BSG: variants seen among roughly 807,000 people sequenced by gnomAD.
The protein encoded by BSG is basigin.
BSG carries 37 observed loss-of-function variants against 43.1 expected under a neutral mutation model. The observed-to-expected ratio is 0.86, with a 90% CI of 0.66 to 1.13. The LOEUF is 1.13. BSG is among the 50% of genes most tolerant of loss of function. The probability of loss-of-function intolerance (pLI) is 0.00; values close to 1 mark genes in which losing one functional copy is unlikely to be tolerated. For missense variants in BSG, 599 were observed against 554.2 expected (o/e 1.08, Z -0.81); for synonymous variants, 309 against 238.7 (o/e 1.29, Z -2.72).
rs779200158 is a variant in BSG, at chr19:580,680, A to C, written c.690A>C (p.Glu230Asp). The C allele has an allele frequency of 1.9e-6, 3 of 1,612,878 alleles. No individual in the cohort carries two copies. Among genetic ancestry groups the C allele is most frequent in the Non-Finnish European group, 2.5e-6 (3 of 1,179,980 alleles). The change falls in exon 5 of 9, where the codon GAA (glutamate) becomes GAC (aspartate). Residue 230 changes from glutamate to aspartate, a missense_variant. Physicochemically the swap from Glu to Asp is conservative, Grantham distance 45. Transcript: ENST00000333511. ...GAGTGAAGGCTGTGAAGTCGTCAGA[A>C]CACATCAACGAGGGGGAGACGGCCA... ...PPRVKAVKSS[E>D]HINEGETAML...
At chr19:574,552 C>CA (rs200704727) in intron 1 of BSG, among the ~76,000 whole-genome samples, 20,636 of 145,560 alleles carry the variant, frequency 0.14, 1,613 homozygotes, top group South Asian at 0.27. Context: ...GACCCCGTCT[C>CA]AAAAAAAAAC....
At chr19:579,119 C>G (rs1982043729) in intron 2 of BSG, 1 of 467,338 alleles carries the variant, frequency 2.1e-6, no homozygotes. Flanking sequence ...GGTCCCTGCT[C>G]AGGGACGTGG....
intron 1 of BSG, among the ~76,000 whole-genome samples, chr19:576,902 G>C (rs1748002593): frequency 6.6e-6 from 1 of 152,228 alleles, no homozygotes; most frequent in Admixed American, 6.5e-5. Context: ...CGCAGCCTCG[G>C]AGCCGTGTGC....
upstream of BSG, chr19:571,324 G>A: frequency 1.7e-6 from 1 of 589,568 alleles, no homozygotes; most frequent in Non-Finnish European, 3.0e-6. Flanking sequence ...AGCCCTTCGC[G>A]TTCGGCTTAG....
chr19:577,322 G>A (rs563512179), intron 1 of BSG, among the ~76,000 whole-genome samples: 2 of 152,300 alleles, frequency 1.3e-5, no homozygotes, highest in South Asian at 4.1e-4. Context: ...TAACGGAGCC[G>A]GGCTAGGGGC....
rs374308929 is a variant in BSG at position 577,799 on chromosome 19, C to T, written c.93C>T (p.Ser31=). The part of the protein sequence containing the change: ...GAAGFVQAPL[S]QQRWVGGSVE... The stretch of plus-strand genomic sequence containing the variant: ...CCGGCTTCGTCCAGGCGCCGCTGTC[C>T]CAGCAGAGGTGGGTGGGGGGCAGTG... The change falls in exon 2 of 9, where the codon TCC becomes TCT. Residue 31 remains serine (S), a synonymous_variant. Coordinates refer to ENST00000333511, the MANE Select transcript of BSG (RefSeq NM_001728.4). 52 of 1,439,186 alleles carry T rather than the reference C, an allele frequency of 3.6e-5. No individual in the cohort carries two copies. Among genetic ancestry groups the T allele is most frequent in the Non-Finnish European group, 4.7e-5 (51 of 1,090,108 alleles). 89.2% of individuals were successfully genotyped at this position (1,439,186 alleles called of 1,614,324 possible). A position where few individuals can be genotyped will look rare whatever the true frequency, so the allele number is the denominator to read the frequency against.
upstream of BSG, chr19:571,578 AG>A (rs1481592915): frequency 1.3e-6 from 1 of 779,392 alleles, no homozygotes; most frequent in African/African-American, 1.7e-5. Flanking sequence ...TCCCCAAGAA[AG>A]GTAACCGCCA....
chr19:582,463 G>C (rs753806336), intron 7 of BSG, 51 bp from the exon 8 acceptor site: 2 of 1,486,358 alleles, frequency 1.3e-6, no homozygotes, highest in East Asian at 2.2e-5. Context: ...GGGTGACTTG[G>C]AGAGAGTGAC....
In BSG at chr19:580,729, G is replaced by A. The variant is rs369346986; in HGVS notation, c.739G>A (p.Val247Met). The A allele has an allele frequency of 7.4e-6, 12 of 1,612,678 alleles. No homozygotes were observed. The highest frequency in any genetic ancestry group is 2.7e-5 in the African/African-American group (2 of 74,922). ...TAMLVCKSES[V>M]PPVTDWAWYK... is the part of the protein sequence containing the mutation. ...CATGCTGGTCTGCAAGTCAGAGTCC[G>A]TGCCACCTGTCACTGACTGGGCCTG... Residue 247 changes from valine to methionine, a missense_variant, in exon 5 of 9, where the codon GTG becomes ATG. By Grantham distance (21) the Val-to-Met change is conservative (BLOSUM62 1). Transcript: ENST00000333511.
Position 580,394 on chromosome 19 carries a change from C to T in BSG, c.588C>T (p.Asp196=), listed in dbSNP as rs1490671669. The change falls in exon 4 of 9, where the codon GAC becomes GAT. Residue 196 remains aspartate (D), a synonymous_variant. Coordinates refer to ENST00000333511, the MANE Select transcript of BSG (RefSeq NM_001728.4). The part of the protein sequence containing the change: ...QKTEFKVDSD[D]QWGEYSCVFL... ...GTGGTTGCAGGGTGGACTCCGACGA[C>T]CAGTGGGGAGAGTACTCCTGCGTCT... The T allele has an allele frequency of 6.2e-7, 1 of 1,611,154 alleles. No homozygotes were observed. The highest frequency in any genetic ancestry group is 1.7e-5 in the Admixed American group (1 of 60,002).
intron 3 of BSG, 91 bp downstream of exon 3, chr19:579,747 G>A (rs1600493082): frequency 6.7e-7 from 1 of 1,502,278 alleles, no homozygotes. Context: ...CAAAAGACCG[G>A]TCGGCAGGCT....
At chr19:573,162 G>A (rs1419281161) in intron 1 of BSG, among the ~76,000 whole-genome samples, 2 of 152,240 alleles carry the variant, frequency 1.3e-5, no homozygotes, top group East Asian at 3.9e-4. Context: ...CCAAAGCCTG[G>A]GTGAGCGTCC....
chr19:571,298 C>T (rs1600467405), upstream of BSG: 3 of 583,062 alleles, frequency 5.1e-6, no homozygotes, highest in African/African-American at 3.8e-5. Context: ...AGCCACATTC[C>T]TGCCCCTTTC....
In BSG at chr19:572,657, T is replaced by A; in HGVS notation, c.23T>A (p.Leu8Gln). The A allele has an allele frequency of 2.7e-6, 4 of 1,507,166 alleles. No individual in the cohort carries two copies. Among genetic ancestry groups the A allele is most frequent in the Non-Finnish European group, 3.6e-6 (4 of 1,126,640 alleles). The allele number at this position is 1,507,166 out of a possible 1,614,324, so 93.4% of individuals were successfully genotyped here. The change falls in exon 1 of 9, where the codon CTG becomes CAG. Residue 8 changes from leucine to glutamine, a missense_variant. Leu to Gln is a moderately radical substitution (Grantham distance 113, BLOSUM62 -2). Transcript: ENST00000333511. MAAALFVLLGFALLGTHG... is the reference protein window; with the variant it reads MAAALFVQLGFALLGTHG... ...ATCATGGCGGCTGCGCTGTTCGTGC[T>A]GCTGGGATTCGCGCTGCTGGGCACC...
chr19:571,976 G>A (rs28915399), upstream of BSG: 810 of 180,460 alleles, frequency 4.5e-3, 7 homozygotes, highest in African/African-American at 0.017. Flanking sequence ...TGCACAGGAC[G>A]TTTATACTAA....
intron 1 of BSG, among the ~76,000 whole-genome samples, 162 bp downstream of exon 1, chr19:572,863 G>A (rs897524340): frequency 6.6e-6 from 1 of 152,126 alleles, no homozygotes; most frequent in Non-Finnish European, 1.5e-5. Flanking sequence ...GGAGCTTGGG[G>A]GTGAAGTCCC....
intron 1 of BSG, among the ~76,000 whole-genome samples, chr19:573,979 G>T (rs1344936477): frequency 2.6e-5 from 4 of 152,260 alleles, no homozygotes; most frequent in Non-Finnish European, 5.9e-5. Context: ...GTGAGGCCGG[G>T]CGTGGTGGCT....
At chr19:572,592 C>A (rs1445438742), upstream of BSG, 23 of 1,449,110 alleles carry the variant, frequency 1.6e-5, no homozygotes, top group Non-Finnish European at 2.1e-5. Flanking sequence ...CGGGCGGCGG[C>A]GGCAGCGGTT....
intron 3 of BSG, among the ~76,000 whole-genome samples, 175 bp from the exon 4 acceptor site, chr19:580,204 G>A (rs1982159287): frequency 6.6e-6 from 1 of 152,216 alleles, no homozygotes; most frequent in African/African-American, 2.4e-5. Flanking sequence ...GGTCTTGCCA[G>A]CCTGGCTCTG....
Sources: gnomAD v4.1 joint callset for allele counts (sites outside exome capture counted in the v4.1 genomes callset) on GRCh38, gnomAD v4.1.1 for gene constraint, MANE v1.5 for transcripts, NCBI Gene and HGNC (gene_info 2026-07-23, HGNC 2026-07-21) for gene names.